Variants in ERC2 observed in about 807,000 individuals in gnomAD.
ERC2 encodes the protein ELKS/RAB6-interacting/CAST family member 2.
In ERC2, 42 loss-of-function variants were observed where a neutral mutation model predicts 114.8. The ratio of observed to expected loss-of-function variants is 0.37; its 90% CI spans 0.29 to 0.47. ERC2 has a LOEUF of 0.47. ERC2 is among the 20% of genes least tolerant of loss of function. The probability of loss-of-function intolerance (pLI) is 0.99; values close to 1 mark genes in which losing one functional copy is unlikely to be tolerated. For missense variants in ERC2, 939 were observed against 1,150.7 expected (o/e 0.82, Z 2.66); for synonymous variants, 454 against 425.5 (o/e 1.07, Z -0.82).
At chr3:55,557,791 T>C (rs1430175815) in intron 17 of ERC2, among the ~76,000 whole-genome samples, 1 of 152,256 alleles carries the variant, frequency 6.6e-6, no homozygotes, top group African/African-American at 2.4e-5. Flanking sequence ...CCTTTGCACA[T>C]GCTGTTCTCT....
chr3:55,614,603 A>G (rs564428189), intron 17 of ERC2, among the ~76,000 whole-genome samples: 7 of 152,348 alleles, frequency 4.6e-5, no homozygotes, highest in South Asian at 2.1e-4. Flanking sequence ...AAGATACCCA[A>G]TGATCTATTA....
chr3:56,353,511 T>C (rs2058628456), intron 2 of ERC2, among the ~76,000 whole-genome samples: 1 of 151,852 alleles, frequency 6.6e-6, no homozygotes, highest in East Asian at 1.9e-4. Flanking sequence ...TATAGGGACA[T>C]GGATGAAGCT....
intron 7 of ERC2, among the ~76,000 whole-genome samples, chr3:56,050,018 T>C (rs2075688240): frequency 6.6e-6 from 1 of 152,032 alleles, no homozygotes; most frequent in South Asian, 2.1e-4. Context: ...GGCAAAACTA[T>C]TGGGACGAAG....
At chr3:55,997,904 T>C (rs373485968) in intron 10 of ERC2, among the ~76,000 whole-genome samples, 1 of 46,468 alleles carries the variant, frequency 2.2e-5, no homozygotes, top group Non-Finnish European at 4.1e-5. Context: ...TTTTTTTTTT[T>C]TTTGTGTGTG....
At chr3:55,856,861 T>G (rs908759866) in intron 14 of ERC2, among the ~76,000 whole-genome samples, 2 of 152,206 alleles carry the variant, frequency 1.3e-5, no homozygotes, top group East Asian at 3.8e-4. Flanking sequence ...TAATACATGC[T>G]ACAACATGCA....
chr3:55,595,064 T>G (rs116301252), intron 17 of ERC2, among the ~76,000 whole-genome samples: 2 of 152,200 alleles, frequency 1.3e-5, no homozygotes, highest in Non-Finnish European at 2.9e-5. Context: ...ATTCTCTCTC[T>G]TCATGTTCAT....
intron 9 of ERC2, among the ~76,000 whole-genome samples, chr3:56,009,465 T>C (rs911035247): frequency 2.0e-5 from 3 of 152,218 alleles, no homozygotes; most frequent in African/African-American, 7.2e-5. Flanking sequence ...TCTAGATTCC[T>C]AATTTATTCA....
At chr3:55,790,439 C>T (rs775546425) in intron 14 of ERC2, among the ~76,000 whole-genome samples, 37 of 152,188 alleles carry the variant, frequency 2.4e-4, no homozygotes, top group Non-Finnish European at 5.9e-5. Flanking sequence ...CTCATCCCGT[C>T]AGCACTCAAT....
intron 17 of ERC2, among the ~76,000 whole-genome samples, chr3:55,587,881 G>A (rs898566028): frequency 6.6e-6 from 1 of 152,196 alleles, no homozygotes; most frequent in Admixed American, 6.5e-5. Flanking sequence ...TAAGAGGCTT[G>A]GAGAAGGGAA....
chr3:55,760,367 G>A (rs891148934), intron 14 of ERC2, among the ~76,000 whole-genome samples: 4 of 151,870 alleles, frequency 2.6e-5, no homozygotes, highest in East Asian at 1.9e-4. Context: ...CCCTACCTCC[G>A]TGATATTTTT....
intron 14 of ERC2, among the ~76,000 whole-genome samples, chr3:55,756,477 G>A (rs1167668244): frequency 8.5e-5 from 13 of 152,176 alleles, no homozygotes. Context: ...AATTGGACAT[G>A]ACAGTAAGTA....
At chr3:55,870,907 T>C (rs1047481097) in intron 14 of ERC2, among the ~76,000 whole-genome samples, 4 of 152,174 alleles carry the variant, frequency 2.6e-5, no homozygotes, top group African/African-American at 7.2e-5. Flanking sequence ...AGATACCTTC[T>C]CTCCCTAGCT....
chr3:56,053,089 T>A (rs896235345), intron 7 of ERC2, among the ~76,000 whole-genome samples: 1 of 152,160 alleles, frequency 6.6e-6, no homozygotes, highest in East Asian at 1.9e-4. Flanking sequence ...AGCACCAGCT[T>A]TGTGCAGAAT....
chr3:55,624,901 G>T (rs919124628), intron 17 of ERC2, among the ~76,000 whole-genome samples: 3 of 152,124 alleles, frequency 2.0e-5, no homozygotes, highest in Admixed American at 6.5e-5. Context: ...CTCTTCCAGA[G>T]ACCTCATTAA....
At chr3:55,660,466 G>A (rs2061077260) in intron 17 of ERC2, among the ~76,000 whole-genome samples, 1 of 152,086 alleles carries the variant, frequency 6.6e-6, no homozygotes, top group African/African-American at 2.4e-5. Context: ...AGAACCTGGG[G>A]GGTGGGGCGG....
intron 17 of ERC2, among the ~76,000 whole-genome samples, chr3:55,557,635 C>T (rs2055710068): frequency 6.6e-6 from 1 of 152,226 alleles, no homozygotes; most frequent in African/African-American, 2.4e-5. Flanking sequence ...CAGCATAAAC[C>T]CATGCCACAT....
chr3:56,029,706 ATCT>A (rs10601122), intron 7 of ERC2, among the ~76,000 whole-genome samples: 50,878 of 151,650 alleles, frequency 0.34, 9,301 homozygotes, highest in East Asian at 0.55. Context: ...GGCAATATAC[ATCT>A]TCTTTATTTT....
intron 14 of ERC2, among the ~76,000 whole-genome samples, chr3:55,765,943 G>A (rs2067749678): frequency 2.0e-5 from 3 of 152,210 alleles, no homozygotes; most frequent in Admixed American, 6.5e-5. Flanking sequence ...CAGTAGAGTA[G>A]GGTGCAGTCT....
chr3:55,602,454 A>G (rs1400589336), intron 17 of ERC2, among the ~76,000 whole-genome samples: 1 of 152,222 alleles, frequency 6.6e-6, no homozygotes, highest in Non-Finnish European at 1.5e-5. Context: ...TAAGAGTTGG[A>G]GGAACCAGGA....
Sources: allele counts gnomAD v4.1 joint callset (sites outside exome capture counted in the v4.1 genomes callset), GRCh38; gene constraint gnomAD v4.1.1; transcripts MANE v1.5; gene names NCBI Gene and HGNC (gene_info 2026-07-23, HGNC 2026-07-21).